The following VPS37A variants were observed in gnomAD, a reference collection of about 807,000 sequenced individuals.
The protein encoded by VPS37A is vacuolar protein sorting-associated protein 37A.
A neutral mutation model predicts 49.8 loss-of-function variants in VPS37A; 30 were observed. The observed-to-expected ratio is 0.60, with a 90% CI of 0.45 to 0.82. The LOEUF (loss-of-function observed/expected upper bound fraction) is 0.82. Ranked by LOEUF, VPS37A falls within the 40% of genes least tolerant of loss-of-function variation. The probability of loss-of-function intolerance (pLI) is 0.00; values close to 1 mark genes in which losing one functional copy is unlikely to be tolerated. For missense variants in VPS37A, 593 were observed against 464.4 expected (o/e 1.28, Z -2.55); for synonymous variants, 195 against 160.6 (o/e 1.21, Z -1.62).
intron 11 of VPS37A, 45 bp from the exon 12 acceptor site, chr8:17,294,942 C>T (rs1816510363): frequency 6.6e-6 from 1 of 152,258 alleles, no homozygotes; most frequent in South Asian, 2.1e-4. Flanking sequence ...GATACATATT[C>T]ATCTTCTTAA....
intron 6 of VPS37A, among the ~76,000 whole-genome samples, chr8:17,278,087 T>C (rs1211200856): frequency 6.6e-6 from 1 of 152,096 alleles, no homozygotes; most frequent in African/African-American, 2.4e-5. Context: ...TGTGGTACCA[T>C]TGAAGATGTT....
chr8:17,307,955 T>G, the VPS37A span, among the ~76,000 whole-genome samples: 1 of 151,868 alleles, frequency 6.6e-6, no homozygotes, highest in South Asian at 2.1e-4. Context: ...AGTTAATGGG[T>G]GCAGCACACC....
intron 1 of VPS37A, among the ~76,000 whole-genome samples, chr8:17,259,944 TCA>T (rs1812820013): frequency 6.6e-6 from 1 of 152,158 alleles, no homozygotes; most frequent in African/African-American, 2.4e-5. Context: ...TCCTTCACTT[TCA>T]GTCTACGTGT....
the VPS37A span, among the ~76,000 whole-genome samples, chr8:17,310,636 C>A: frequency 1.3e-5 from 2 of 152,126 alleles, no homozygotes; most frequent in Admixed American, 1.3e-4. Context: ...TCAATGCTAT[C>A]ACAGGTAATT....
chr8:17,247,712 C>T (rs139831738), intron 1 of VPS37A: 56 of 702,702 alleles, frequency 8.0e-5, no homozygotes, highest in African/African-American at 7.5e-4. Context: ...CCTTTGCCCA[C>T]CTGATTGCCG....
Position 17,295,546 on chromosome 8 carries a change from A to G in VPS37A, c.*560A>G, listed in dbSNP as rs1816557511. On this transcript the variant is annotated 3_prime_UTR_variant, in exon 12 of 12. Coordinates refer to ENST00000324849, the MANE Select transcript of VPS37A (RefSeq NM_152415.3). ...AAACTTTTAATACCTACAATAAATC[A>G]AAAGAATAAACCAGCTGTTCTTATA... is the stretch of plus-strand genomic sequence containing the variant. The G allele has an allele frequency of 6.6e-6, 1 of 152,618 alleles. No homozygotes were observed. The highest frequency in any genetic ancestry group is 1.5e-5 in the Non-Finnish European group (1 of 68,018). 9.5% of individuals were successfully genotyped at this position (152,618 alleles called of 1,614,324 possible).
chr8:17,271,249 C>G (rs1813957459), intron 4 of VPS37A, among the ~76,000 whole-genome samples: 1 of 152,154 alleles, frequency 6.6e-6, no homozygotes, highest in Non-Finnish European at 1.5e-5. Flanking sequence ...GGTCTGTTAG[C>G]CTCTTTTTCA....
At chr8:17,304,465 G>A, downstream of VPS37A, 2 of 1,614,024 alleles carry the variant, frequency 1.2e-6, no homozygotes, top group Non-Finnish European at 1.7e-6. Flanking sequence ...GATTCAGGTA[G>A]TCGGCCCGAT....
chr8:17,286,796 C>G (rs1424437520), intron 11 of VPS37A, among the ~76,000 whole-genome samples: 2 of 152,102 alleles, frequency 1.3e-5, no homozygotes, highest in African/African-American at 4.8e-5. Context: ...AACTTCCAGC[C>G]AGTCTCTTTC....
chr8:17,298,325 C>T (rs1816873860), downstream of VPS37A: 3 of 152,004 alleles, frequency 2.0e-5, no homozygotes, highest in Non-Finnish European at 4.4e-5. Context: ...ATTTTATATT[C>T]TGAAAGAATT....
At position 17,255,398 on chromosome 8, in the gene VPS37A, G is replaced by A. The variant is rs377212569; in HGVS notation, c.125+8029G>A. On this transcript the variant is annotated intron_variant, in intron 1 of 11. Transcript: ENST00000324849. ...CGGGAGGCTGAGGCAGGACAATCAC[G>A]TGAACCTGGGAGGCAGAGGTTGCAG... Among the ~76,000 whole-genome samples, 7 of 152,182 alleles carry A rather than the reference G, an allele frequency of 4.6e-5. 1 individual carries two copies. In the South Asian group the frequency reaches 1.0e-3, roughly 23 times the overall value.
rs775839892 is a variant in VPS37A, at chr8:17,296,580, C to T, written c.*1594C>T. ...TCCTAGAAACCAGGTAGGTGTATCC[C>T]ATAACAAGGGAGGAGCATACCACAG... On this transcript the variant is annotated 3_prime_UTR_variant, in exon 12 of 12. Transcript: ENST00000324849. 2 of 152,090 alleles carry T rather than the reference C, an allele frequency of 1.3e-5. No individual in the cohort carries two copies. Among genetic ancestry groups the T allele is most frequent in the Non-Finnish European group, 2.9e-5 (2 of 68,014 alleles). The allele number at this position is 152,090 out of a possible 1,614,324, so 9.4% of individuals were successfully genotyped here.
intron 1 of VPS37A, among the ~76,000 whole-genome samples, chr8:17,259,701 T>C (rs1200533538): frequency 6.6e-6 from 1 of 152,146 alleles, no homozygotes; most frequent in Non-Finnish European, 1.5e-5. Context: ...TATTGCAATC[T>C]GTCTTTCTCT....
chr8:17,263,467 AT>A (rs1813151444), intron 1 of VPS37A, among the ~76,000 whole-genome samples: 1 of 152,160 alleles, frequency 6.6e-6, no homozygotes, highest in Admixed American at 6.5e-5. Context: ...TTCAGCTCTC[AT>A]TAATATTATA....
At chr8:17,298,644 C>T (rs1173587660), downstream of VPS37A, 1 of 152,178 alleles carries the variant, frequency 6.6e-6, no homozygotes, top group African/African-American at 2.4e-5. Flanking sequence ...AAGTTTAATC[C>T]TTTTACATTC....
At chr8:17,302,104 C>G (rs369790048), downstream of VPS37A, 65 of 1,612,122 alleles carry the variant, frequency 4.0e-5, no homozygotes, top group African/African-American at 8.7e-4. Flanking sequence ...AAGCCTTGCT[C>G]TTCAAGAAAT....
the VPS37A span, chr8:17,309,272 C>A: frequency 6.6e-7 from 1 of 1,516,878 alleles, no homozygotes; most frequent in Non-Finnish European, 9.2e-7. Flanking sequence ...TTAAATATTA[C>A]TTACCGGTGA....
chr8:17,282,787 C>T (rs1037559241), intron 9 of VPS37A, among the ~76,000 whole-genome samples: 1 of 151,976 alleles, frequency 6.6e-6, no homozygotes, highest in African/African-American at 2.4e-5. Context: ...TCCTAGGCTT[C>T]TTTCTAGATG....
chr8:17,263,513 G>T (rs759958671), intron 1 of VPS37A, among the ~76,000 whole-genome samples: 5 of 122,968 alleles, frequency 4.1e-5, no homozygotes, highest in Non-Finnish European at 6.2e-5. Context: ...TACTTAGTTT[G>T]TGAAGAAAAC....
Sources: gnomAD v4.1 joint callset for allele counts (sites outside exome capture counted in the v4.1 genomes callset) on GRCh38, gnomAD v4.1.1 for gene constraint, MANE v1.5 for transcripts, NCBI Gene and HGNC (gene_info 2026-07-23, HGNC 2026-07-21) for gene names.